The following GOPC variants were observed in gnomAD, a reference collection of about 807,000 sequenced individuals.
The protein encoded by GOPC is Golgi-associated PDZ and coiled-coil motif-containing protein.
GOPC carries 32 observed loss-of-function variants against 51.2 expected under a neutral mutation model. That is an observed-to-expected ratio of 0.63 (90% CI 0.47 to 0.84). The LOEUF is 0.84. Ranked by LOEUF, GOPC falls within the 40% of genes least tolerant of loss-of-function variation. The pLI, the probability that GOPC is intolerant of heterozygous loss-of-function variation, is 0.00. For synonymous variants in GOPC, 190 were observed against 205.1 expected (o/e 0.93, Z 0.63); for missense variants, 441 against 555.5 (o/e 0.79, Z 2.07).
chr6:117,568,159 C>T (rs1406792958), intron 7 of GOPC, among the ~76,000 whole-genome samples: 3 of 151,972 alleles, frequency 2.0e-5, no homozygotes, highest in African/African-American at 7.3e-5. Context: ...GTAATTGTGC[C>T]ACTGCACTCC....
chr6:117,569,309 C>T (rs1027115511), intron 7 of GOPC, among the ~76,000 whole-genome samples: 1 of 152,178 alleles, frequency 6.6e-6, no homozygotes, highest in Non-Finnish European at 1.5e-5. Flanking sequence ...TCACAGCTTT[C>T]TTTCAATCCC....
intron 1 of GOPC, among the ~76,000 whole-genome samples, chr6:117,584,906 A>AT (rs1199258898): frequency 3.3e-5 from 5 of 151,268 alleles, no homozygotes; most frequent in Non-Finnish European, 7.4e-5. Context: ...CTTTACTTGC[A>AT]TGTGATCCAT....
At chr6:117,573,392 G>C (rs1326423818) in intron 5 of GOPC, 75 bp downstream of exon 5, 1 of 1,480,366 alleles carries the variant, frequency 6.8e-7, no homozygotes, top group Non-Finnish European at 9.2e-7. Context: ...TAGAATAAAG[G>C]AAAGAATGGA....
chr6:117,577,908 ATCAG>A (rs1779906031), intron 2 of GOPC, among the ~76,000 whole-genome samples: 1 of 152,158 alleles, frequency 6.6e-6, no homozygotes, highest in Non-Finnish European at 1.5e-5. Context: ...ATTTTAACAC[ATCAG>A]TACTAGGAAC....
Position 117,584,421 on chromosome 6 carries a change from C to T in GOPC, c.286-5357G>A, listed in dbSNP as rs146836662. Among the ~76,000 whole-genome samples, 732 of 152,324 alleles carry T rather than the reference C, an allele frequency of 4.8e-3. 10 individuals carry two copies. The highest frequency in any genetic ancestry group is 0.017 in the African/African-American group (707 of 41,582). Reference sequence around the variant, plus strand: ...GAATGGCTTCAAGTTGGGGTTCCCACATTTCCCTTTTTAGGTTCAATTAGT... The same window carrying T: ...GAATGGCTTCAAGTTGGGGTTCCCATATTTCCCTTTTTAGGTTCAATTAGT... On this transcript the variant is annotated intron_variant, in intron 1 of 8. Coordinates refer to ENST00000368498, the MANE Select transcript of GOPC (RefSeq NM_020399.4).
intron 3 of GOPC, 93 bp downstream of exon 3, chr6:117,577,355 A>G: frequency 1.7e-6 from 2 of 1,189,318 alleles, no homozygotes; most frequent in Non-Finnish European, 2.4e-6. Context: ...TGCTATTTTC[A>G]AATACAATGA....
chr6:117,570,893 C>T lies in GOPC; in HGVS notation c.879G>A (p.Lys293=), dbSNP rs1779795459. 2 of 1,596,764 alleles carry T rather than the reference C, an allele frequency of 1.3e-6. No homozygotes were observed. Among genetic ancestry groups the T allele is most frequent in the African/African-American group, 2.7e-5 (2 of 74,518 alleles). ...VGPIRKVLLL[K]EDHEGLGISI... is the part of the protein sequence containing the mutation. The stretch of plus-strand genomic sequence containing the variant: ...AAATGCCAAGGCCTTCATGATCTTC[C>T]TTAAGGAGGAGAACTTTTCTAATTG... The change falls in exon 6 of 9, where the codon AAG becomes AAA. Residue 293 remains lysine, a synonymous_variant. Coordinates refer to ENST00000368498, the MANE Select transcript of GOPC (RefSeq NM_020399.4).
At chr6:117,573,769 G>A in intron 4 of GOPC, 137 bp from the exon 5 acceptor site, 3 of 613,914 alleles carry the variant, frequency 4.9e-6, no homozygotes, top group Non-Finnish European at 8.0e-6. Flanking sequence ...ACTTCTTGAT[G>A]TCTCTCAGAT....
chr6:117,587,550 T>C (rs1780050489), intron 1 of GOPC, among the ~76,000 whole-genome samples: 3 of 151,560 alleles, frequency 2.0e-5, no homozygotes, highest in Admixed American at 2.0e-4. Flanking sequence ...CAAATTGTAA[T>C]GAGCTGTATG....
intron 3 of GOPC, among the ~76,000 whole-genome samples, chr6:117,575,747 A>C (rs557608659): frequency 6.6e-6 from 1 of 152,302 alleles, no homozygotes; most frequent in South Asian, 2.1e-4. Flanking sequence ...TAAACACTGA[A>C]AACTTGCATT....
chr6:117,584,192 T>C (rs1294056998), intron 1 of GOPC, among the ~76,000 whole-genome samples: 1 of 152,210 alleles, frequency 6.6e-6, no homozygotes, highest in Non-Finnish European at 1.5e-5. Flanking sequence ...GAAACTTCTG[T>C]GACCAAATGT....
chr6:117,569,818 TAAA>T, intron 6 of GOPC, 82 bp from the exon 7 acceptor site: 1 of 1,372,744 alleles, frequency 7.3e-7, no homozygotes, highest in East Asian at 2.8e-5. Flanking sequence ...AATATTTTCT[TAAA>T]AATATATTTC....
chr6:117,585,431 T>C (rs941672552), intron 1 of GOPC, among the ~76,000 whole-genome samples: 3 of 152,092 alleles, frequency 2.0e-5, no homozygotes, highest in African/African-American at 7.2e-5. Flanking sequence ...AGCATGAAAA[T>C]TGGATGCAGC....
rs565440608 is a variant in GOPC at position 117,563,134 on chromosome 6, C to T, written c.*120G>A. 2.0e-5 allele frequency: 17 copies of T among 852,558 alleles called. No homozygotes were observed. In the African/African-American group the frequency reaches 2.7e-4, roughly 14 times the overall value. The allele number at this position is 852,558 out of a possible 1,614,324, so 52.8% of individuals were successfully genotyped here. A position where few individuals can be genotyped will look rare whatever the true frequency, so the allele number is the denominator to read the frequency against. On this transcript the variant is annotated 3_prime_UTR_variant, in exon 9 of 9. Transcript: ENST00000368498. The stretch of plus-strand genomic sequence containing the variant: ...TTGTTCACATGAAGCCCTGAGGTAC[C>T]CGCCTTTCATTTAGGCAACAAACAG...
At chr6:117,570,519 G>A (rs909875402) in intron 6 of GOPC, among the ~76,000 whole-genome samples, 3 of 151,880 alleles carry the variant, frequency 2.0e-5, no homozygotes, top group Non-Finnish European at 2.9e-5. Flanking sequence ...CACGTACTCC[G>A]AGAGAGAACA....
chr6:117,602,220 C>G lies in GOPC; in HGVS notation c.69G>C (p.Gly23=). The G allele has an allele frequency of 6.2e-7, 1 of 1,607,058 alleles. No homozygotes were observed. Among genetic ancestry groups the G allele is most frequent in the Non-Finnish European group, 8.5e-7 (1 of 1,179,962 alleles). ...GGAACATGGATACCCCGCCAGGGGC[C>G]CCCACGGAGCAGGAGGCGCCCCCTG... ...GGPGGASCSV[G]APGGVSMFRW... The change falls in exon 1 of 9, where the codon GGG becomes GGC. Residue 23 remains glycine, a synonymous_variant. Coordinates refer to ENST00000368498, the MANE Select transcript of GOPC (RefSeq NM_020399.4).
chr6:117,595,414 A>G (rs1473303226), intron 1 of GOPC, among the ~76,000 whole-genome samples: 1 of 152,086 alleles, frequency 6.6e-6, no homozygotes, highest in East Asian at 1.9e-4. Context: ...TTTTTTCAAT[A>G]GGTTTCTGGG....
chr6:117,596,174 T>A (rs1025745314), intron 1 of GOPC, among the ~76,000 whole-genome samples: 4 of 152,226 alleles, frequency 2.6e-5, no homozygotes, highest in African/African-American at 9.6e-5. Context: ...TTTTCATGTT[T>A]GTTGGCCATT....
At chr6:117,583,216 C>T (rs1779985605) in intron 1 of GOPC, among the ~76,000 whole-genome samples, 1 of 152,194 alleles carries the variant, frequency 6.6e-6, no homozygotes, top group South Asian at 2.1e-4. Flanking sequence ...CTCGTTTGCT[C>T]GTGTGCTCCC....
Sources: allele counts gnomAD v4.1 joint callset (sites outside exome capture counted in the v4.1 genomes callset), GRCh38; gene constraint gnomAD v4.1.1; transcripts MANE v1.5; gene names NCBI Gene and HGNC (gene_info 2026-07-23, HGNC 2026-07-21).